UBR3: variants seen among roughly 807,000 people sequenced by gnomAD.
UBR3 encodes the protein E3 ubiquitin-protein ligase UBR3.
Under a neutral mutation model 243.2 loss-of-function variants are expected in UBR3, and 85 were observed. That is an observed-to-expected ratio of 0.35 (90% confidence interval 0.29 to 0.42). The LOEUF (loss-of-function observed/expected upper bound fraction) is 0.42. Ranked by LOEUF, UBR3 falls within the 10% of genes least tolerant of loss-of-function variation. UBR3 has a pLI of 1.00. For synonymous variants in UBR3, 748 were observed against 799.8 expected (o/e 0.94, Z 1.09); for missense variants, 1,686 against 2,300.8 (o/e 0.73, Z 5.47).
intron 24 of UBR3, among the ~76,000 whole-genome samples, chr2:169,961,107 A>C (rs900767331): frequency 6.6e-6 from 1 of 152,038 alleles, no homozygotes; most frequent in Non-Finnish European, 1.5e-5. Flanking sequence ...GCAAGAACCA[A>C]TGTGCCTTTA....
chr2:169,913,258 T>G (rs549434698), intron 10 of UBR3, among the ~76,000 whole-genome samples: 3 of 152,332 alleles, frequency 2.0e-5, no homozygotes, highest in Admixed American at 2.0e-4. Context: ...TTTCCTATGA[T>G]GTTGAGCATC....
intron 33 of UBR3, among the ~76,000 whole-genome samples, chr2:170,056,003 C>CTTT (rs34415442): frequency 0.03 from 2,692 of 88,312 alleles, no homozygotes; most frequent in East Asian, 0.039. Flanking sequence ...TCTTTTCTTT[C>CTTT]TTTTTTTTTT....
chr2:169,955,058 G>A (rs57646686), intron 23 of UBR3, among the ~76,000 whole-genome samples: 14,781 of 152,060 alleles, frequency 0.097, 854 homozygotes, highest in African/African-American at 0.16. Flanking sequence ...TTCCCTTTAT[G>A]TTTTGACTCA....
At position 169,895,258 on chromosome 2, in the gene UBR3, C is replaced by A; in HGVS notation, c.1183C>A (p.Pro395Thr). Residue 395 changes from proline to threonine, a missense_variant, in exon 7 of 39, where the codon CCT (proline) becomes ACT (threonine). Around this residue, in one of 8 missense-constraint regions of UBR3, gnomAD observed 200 missense variants for 231.6 expected, o/e 0.86. Coordinates refer to ENST00000272793, the MANE Select transcript of UBR3 (RefSeq NM_172070.4). ...LLFWTIKYEF[P>T]QKMVTFLLNM... is the part of the protein sequence containing the mutation. Reference sequence around the variant, plus strand: ...ATTTTGGACTATAAAATATGAATTCCCTCAAAAGATGGTAACTTTCTTACT... The same window carrying A: ...ATTTTGGACTATAAAATATGAATTCACTCAAAAGATGGTAACTTTCTTACT... 1.9e-6 allele frequency: 3 copies of A among 1,545,184 alleles called. No individual in the cohort carries two copies. Among genetic ancestry groups the A allele is most frequent in the Non-Finnish European group, 2.6e-6 (3 of 1,145,166 alleles).
intron 30 of UBR3, among the ~76,000 whole-genome samples, chr2:170,019,684 C>G (rs977071835): frequency 1.3e-5 from 2 of 150,808 alleles, no homozygotes; most frequent in Admixed American, 1.3e-4. Context: ...GATACTGTCT[C>G]AAAAAAAAAT....
At position 169,942,513 on chromosome 2, in the gene UBR3, T is replaced by C; in HGVS notation, c.2684T>C (p.Phe895Ser). 1 of 1,548,058 alleles carries C rather than the reference T, an allele frequency of 6.5e-7. No homozygotes were observed. Among genetic ancestry groups the C allele is most frequent in the East Asian group, 2.5e-5 (1 of 40,796 alleles). ...TACAGTTTAAAACAGAGTGGAAAATTTCCTGGAAATCCCTGGCCTCCATAT... is the reference window on the plus strand; with the variant it reads ...TACAGTTTAAAACAGAGTGGAAAATCTCCTGGAAATCCCTGGCCTCCATAT... ...YTAFLKQSGKFPGNPWPPYKK... is the reference protein window; with the variant it reads ...YTAFLKQSGKSPGNPWPPYKK... The change falls in exon 20 of 39, where the codon TTT becomes TCT. Residue 895 changes from phenylalanine (F) to serine (S), a missense_variant. By Grantham distance (155) the Phe-to-Ser change is radical. Transcript: ENST00000272793.
At chr2:169,890,540 G>GAGATATATATATATAT (rs1553504401) in intron 5 of UBR3, among the ~76,000 whole-genome samples, 5 of 76,020 alleles carry the variant, frequency 6.6e-5, no homozygotes, top group East Asian at 3.7e-4. Context: ...GAGAGAGAGA[G>GAGATATATATATATAT]ATATATATAT....
At chr2:169,885,338 T>A (rs1574121881) in intron 5 of UBR3, among the ~76,000 whole-genome samples, 1 of 152,320 alleles carries the variant, frequency 6.6e-6, no homozygotes, top group Non-Finnish European at 1.5e-5. Flanking sequence ...TCCCAGCACT[T>A]TGGGAGGCCG....
chr2:169,963,795 A>G (rs1490438687), intron 24 of UBR3, among the ~76,000 whole-genome samples: 1 of 152,092 alleles, frequency 6.6e-6, no homozygotes, highest in Non-Finnish European at 1.5e-5. Context: ...TTACAATGCT[A>G]TTTTTTTCTT....
intron 11 of UBR3, among the ~76,000 whole-genome samples, chr2:169,914,848 T>G (rs924921848): frequency 1.4e-3 from 127 of 93,742 alleles, no homozygotes; most frequent in Admixed American, 4.5e-3. Flanking sequence ...ATTTTATCTC[T>G]TGTGTGTGTG....
At chr2:169,852,850 C>CAAAAAAAAAAAA (rs869283640) in intron 1 of UBR3, among the ~76,000 whole-genome samples, 21 of 48,296 alleles carry the variant, frequency 4.3e-4, no homozygotes, top group Admixed American at 1.2e-3. Flanking sequence ...GACTTCATCT[C>CAAAAAAAAAAAA]AAAAAAAAAA....
At chr2:169,880,949 A>G (rs138353754) in intron 5 of UBR3, among the ~76,000 whole-genome samples, 10 of 152,160 alleles carry the variant, frequency 6.6e-5, no homozygotes, top group African/African-American at 2.4e-4. Flanking sequence ...TGTTTCAGCA[A>G]CTTCTGTGTG....
intron 35 of UBR3, among the ~76,000 whole-genome samples, chr2:170,064,803 A>ATTTTTTT: frequency 4.8e-4 from 42 of 87,744 alleles, no homozygotes; most frequent in East Asian, 1.0e-3. Flanking sequence ...TGCTTTTTCT[A>ATTTTTTT]TTTTTTTTTT....
intron 1 of UBR3, among the ~76,000 whole-genome samples, chr2:169,841,153 T>C (rs1219270810): frequency 9.2e-5 from 14 of 152,208 alleles, no homozygotes; most frequent in Admixed American, 9.2e-4. Context: ...CCTGGCCTGG[T>C]TGAGAATTTT....
chr2:170,040,180 C>G (rs1419318292), intron 31 of UBR3, among the ~76,000 whole-genome samples: 1 of 151,618 alleles, frequency 6.6e-6, no homozygotes, highest in Non-Finnish European at 1.5e-5. Flanking sequence ...ACTTTTTCAC[C>G]CAGGCTGGAG....
At position 169,924,117 on chromosome 2, in the gene UBR3, G is replaced by A; in HGVS notation, c.1966G>A (p.Val656Ile). 1.3e-6 allele frequency: 2 copies of A among 1,548,122 alleles called. No individual in the cohort carries two copies. Among genetic ancestry groups the A allele is most frequent in the Non-Finnish European group, 1.7e-6 (2 of 1,145,984 alleles). ...ATGTCAAGAACTAGATTTGGATTCT[G>A]TTTTACCAGATCAGGAAATGTTAAT... ...VKCQELDLDS[V>I]LPDQEMLMKL... The change falls in exon 13 of 39, where the codon GTT (valine) becomes ATT (isoleucine). Residue 656 changes from valine to isoleucine, a missense_variant. Physicochemically the swap from Val to Ile is conservative, Grantham distance 29 (BLOSUM62 3). Around this residue, in one of 8 missense-constraint regions of UBR3, gnomAD observed 346 missense variants for 585.8 expected, o/e 0.59. Transcript: ENST00000272793.
chr2:169,943,936 C>T (rs2105357690), intron 20 of UBR3, among the ~76,000 whole-genome samples: 1 of 152,118 alleles, frequency 6.6e-6, no homozygotes. Context: ...CTACCCGTGA[C>T]CAATTTTTCA....
At chr2:169,859,907 C>T (rs1248221415) in intron 1 of UBR3, among the ~76,000 whole-genome samples, 1 of 151,756 alleles carries the variant, frequency 6.6e-6, no homozygotes, top group African/African-American at 2.4e-5. Flanking sequence ...TTAGTGGAGA[C>T]GGGGTTTCAC....
At chr2:169,991,609 G>C (rs2089276170) in intron 25 of UBR3, among the ~76,000 whole-genome samples, 1 of 152,082 alleles carries the variant, frequency 6.6e-6, no homozygotes. Flanking sequence ...TTGAGATGGA[G>C]TCTCACTCTG....
Sources: gnomAD v4.1 joint callset for allele counts (sites outside exome capture counted in the v4.1 genomes callset) on GRCh38, gnomAD v4.1.1 for gene constraint, gnomAD v4.1.1 regional missense constraint, MANE v1.5 for transcripts, NCBI Gene and HGNC (gene_info 2026-07-23, HGNC 2026-07-21) for gene names.